Variants in CUX1 observed in about 807,000 individuals in gnomAD.
CUX1 encodes the protein cut like homeobox 1, also known as protein CASP.
CUX1 carries 31 observed loss-of-function variants against 158.8 expected under a neutral mutation model. The observed-to-expected ratio is 0.20, with a 90% CI of 0.15 to 0.26. The LOEUF (loss-of-function observed/expected upper bound fraction) is 0.26, where lower values mean the gene tolerates loss of function less well. Ranked by LOEUF, CUX1 falls within the 10% of genes least tolerant of loss-of-function variation. CUX1 has a pLI of 1.00. For missense variants in CUX1, 1,589 were observed against 2,014.6 expected (o/e 0.79, Z 4.04); for synonymous variants, 879 against 862.1 (o/e 1.02, Z -0.34).
intron 8 of CUX1, chr7:102,153,932 C>G (rs1435830919): frequency 6.6e-6 from 1 of 152,212 alleles, no homozygotes; most frequent in Non-Finnish European, 1.5e-5. Flanking sequence ...TGAAGCGAAA[C>G]CAACAGGTAA....
chr7:102,280,691 C>T (rs1791997010), intron 19 of CUX1: 1 of 1,077,616 alleles, frequency 9.3e-7, no homozygotes, highest in Non-Finnish European at 1.4e-6. Flanking sequence ...CCCTGGGGGT[C>T]TGCAAGAACA....
At chr7:101,840,273 T>G (rs116655094) in intron 1 of CUX1, among the ~76,000 whole-genome samples, 1 of 152,276 alleles carries the variant, frequency 6.6e-6, no homozygotes, top group African/African-American at 2.4e-5. Flanking sequence ...TACAGTGGAG[T>G]GACTTGCTGG....
At chr7:102,065,717 T>C (rs1196674426) in intron 3 of CUX1, among the ~76,000 whole-genome samples, 1 of 152,122 alleles carries the variant, frequency 6.6e-6, no homozygotes, top group Non-Finnish European at 1.5e-5. Flanking sequence ...ACAGCTCTGA[T>C]GAGTGGAGGA....
intron 1 of CUX1, among the ~76,000 whole-genome samples, chr7:101,871,756 G>T (rs1022952497): frequency 1.3e-5 from 2 of 152,124 alleles, no homozygotes; most frequent in African/African-American, 2.4e-5. Context: ...CGTGGCTCTC[G>T]CCTGTAATCC....
chr7:101,906,960 G>A (rs1467312608), intron 1 of CUX1, among the ~76,000 whole-genome samples: 1 of 152,068 alleles, frequency 6.6e-6, no homozygotes, highest in Admixed American at 6.6e-5. Context: ...CTGGCTTCCT[G>A]GTTCGAGATG....
intron 2 of CUX1, among the ~76,000 whole-genome samples, chr7:101,935,272 T>A (rs1015747718): frequency 6.6e-6 from 1 of 152,186 alleles, no homozygotes; most frequent in African/African-American, 2.4e-5. Context: ...CCCTTTTGAC[T>A]GTAATTTTCC....
chr7:101,899,014 C>T (rs543581514), intron 1 of CUX1, among the ~76,000 whole-genome samples: 1 of 152,356 alleles, frequency 6.6e-6, no homozygotes, highest in African/African-American at 2.4e-5. Flanking sequence ...GCATGGCTGC[C>T]TGTGGCTTCT....
intron 1 of CUX1, among the ~76,000 whole-genome samples, chr7:101,903,074 C>T (rs1029592194): frequency 7.9e-5 from 12 of 152,198 alleles, no homozygotes; most frequent in South Asian, 2.1e-4. Flanking sequence ...TGCGAAGCCT[C>T]GGTTTCCTTA....
chr7:101,847,219 A>T (rs1795794889), intron 1 of CUX1, among the ~76,000 whole-genome samples: 1 of 152,216 alleles, frequency 6.6e-6, no homozygotes. Flanking sequence ...AGCAAATGTC[A>T]AGGCCAAGAC....
chr7:102,217,325 C>G (rs992849467), intron 20 of CUX1, among the ~76,000 whole-genome samples: 3 of 152,266 alleles, frequency 2.0e-5, no homozygotes, highest in Admixed American at 6.5e-5. Flanking sequence ...CACAAGCCAA[C>G]TGAGCCCAGA....
chr7:102,255,873 C>T lies in CUX1; in HGVS notation c.*6831C>T. On this transcript the variant is annotated 3_prime_UTR_variant, in exon 24 of 24. Coordinates refer to ENST00000292535, the MANE Select transcript of CUX1 (RefSeq NM_181552.4). ...TGTACTTTGCTTTAAACGGAAAGCA[C>T]TTAAATAGATGACTATGTGTAAAAG... 1.0e-6 allele frequency: 1 copy of T among 985,084 alleles called. No individual in the cohort carries two copies. The highest frequency in any genetic ancestry group is 1.2e-6 in the Non-Finnish European group (1 of 829,714). The allele number at this position is 985,084 out of a possible 1,614,324, so 61.0% of individuals were successfully genotyped here.
chr7:102,070,520 A>G (rs1317249635), intron 4 of CUX1, 103 bp downstream of exon 4: 1 of 811,802 alleles, frequency 1.2e-6, no homozygotes, highest in Non-Finnish European at 2.0e-6. Flanking sequence ...AAATAAATAC[A>G]CCATCAGTGG....
At chr7:102,050,590 G>A (rs900476370) in intron 3 of CUX1, among the ~76,000 whole-genome samples, 2 of 152,102 alleles carry the variant, frequency 1.3e-5, no homozygotes, top group African/African-American at 2.4e-5. Flanking sequence ...AGGCACCTGC[G>A]TATGCCCCAT....
At chr7:102,259,567 G>A (rs1554543120), downstream of CUX1, among the ~76,000 whole-genome samples, 3 of 151,874 alleles carry the variant, frequency 2.0e-5, no homozygotes, top group African/African-American at 7.3e-5. Context: ...CGGCCTGGGC[G>A]ATAGAGCGAA....
intron 10 of CUX1, among the ~76,000 whole-genome samples, chr7:102,171,030 G>T (rs1554510293): frequency 6.6e-6 from 1 of 152,214 alleles, no homozygotes; most frequent in African/African-American, 2.4e-5. Context: ...AGTTTATAGA[G>T]CAGGAAGAGT....
intron 2 of CUX1, among the ~76,000 whole-genome samples, chr7:101,938,973 G>A (rs1292902099): frequency 2.0e-5 from 3 of 148,228 alleles, no homozygotes; most frequent in Admixed American, 1.4e-4. Context: ...CCTGGGAGAT[G>A]GAGGTTGCAG....
intron 21 of CUX1, among the ~76,000 whole-genome samples, chr7:102,228,708 G>C (rs1391977501): frequency 6.6e-6 from 1 of 152,206 alleles, no homozygotes; most frequent in Non-Finnish European, 1.5e-5. Context: ...TGAAGCAGGA[G>C]AATCGTTTGA....
At chr7:101,995,755 A>G (rs1815774208) in intron 2 of CUX1, among the ~76,000 whole-genome samples, 1 of 152,136 alleles carries the variant, frequency 6.6e-6, no homozygotes, top group African/African-American at 2.4e-5. Flanking sequence ...AGTTGTGTGT[A>G]TGGGGACTTA....
upstream of CUX1, chr7:101,817,076 C>CG (rs899749063): frequency 1.2e-5 from 12 of 984,430 alleles, no homozygotes; most frequent in African/African-American, 2.1e-4. The surrounding 1 kb of genome is among the most constrained non-coding windows in gnomAD (Gnocchi z 4.1). Flanking sequence ...CGAGGGGCGG[C>CG]GGGGGTGCCC....
Sources: allele counts gnomAD v4.1 joint callset (sites outside exome capture counted in the v4.1 genomes callset), GRCh38; gene constraint gnomAD v4.1.1; non-coding constraint Gnocchi (gnomAD v3.1); transcripts MANE v1.5; gene names NCBI Gene and HGNC (gene_info 2026-07-23, HGNC 2026-07-21).